CENPU: variants seen among roughly 807,000 people sequenced by gnomAD.
CENPU encodes KSHV latent nuclear antigen interacting protein 1.
CENPU carries 46 observed loss-of-function variants against 56.7 expected under a neutral mutation model. The observed-to-expected ratio is 0.81, with a 90% CI of 0.64 to 1.04. The LOEUF is 1.04. Among genes scored for constraint, CENPU ranks in the 50% least tolerant of loss-of-function variants. The pLI is 0.00. For synonymous variants in CENPU, 166 were observed against 163.0 expected (o/e 1.02, Z -0.14); for missense variants, 510 against 490.1 (o/e 1.04, Z -0.38).
rs1320224867 is a variant in CENPU at position 184,716,497 on chromosome 4, A to G, written c.518T>C (p.Leu173Pro). Reference sequence around the variant, plus strand: ...GACAGACTCAGCTGGTTTCTCTGAAAGTTCTGAAGACGCTGTGGTTCGAAT... The same window carrying G: ...GACAGACTCAGCTGGTTTCTCTGAAGGTTCTGAAGACGCTGTGGTTCGAAT... ...EVIRTTASSE[L>P]SEKPAESVTS... Residue 173 changes from leucine (L) to proline (P), a missense_variant, in exon 6 of 13, where the codon CTT becomes CCT. Coordinates refer to ENST00000281453, the MANE Select transcript of CENPU (RefSeq NM_024629.4). 1 of 1,614,042 alleles carries G rather than the reference A, an allele frequency of 6.2e-7. No individual in the cohort carries two copies. Among genetic ancestry groups the G allele is most frequent in the African/African-American group, 1.3e-5 (1 of 74,924 alleles).
At position 184,716,539 on chromosome 4, in the gene CENPU, G is replaced by T; in HGVS notation, c.476C>A (p.Thr159Lys). The change falls in exon 6 of 13, where the codon ACA (threonine) becomes AAA (lysine). Residue 159 changes from threonine to lysine, a missense_variant. Transcript: ENST00000281453. Reference sequence around the variant, plus strand: ...GGTTCGAATAACCTCATGACGTTGTGTACTTATTTTCTCTGCTGATTTAAC... The same window carrying T: ...GGTTCGAATAACCTCATGACGTTGTTTACTTATTTTCTCTGCTGATTTAAC... ...RKVKSAEKIS[T>K]QRHEVIRTTA... 6.2e-7 allele frequency: 1 copy of T among 1,614,098 alleles called. No individual in the cohort carries two copies.
At chr4:184,709,236 C>T (rs1259543427) in intron 8 of CENPU, among the ~76,000 whole-genome samples, 1 of 152,084 alleles carries the variant, frequency 6.6e-6, no homozygotes, top group Non-Finnish European at 1.5e-5. Context: ...CGTCTATAAT[C>T]CCAGCACTTT....
intron 8 of CENPU, 147 bp downstream of exon 8, chr4:184,709,925 G>A (rs1760865303): frequency 2.5e-6 from 1 of 400,270 alleles, no homozygotes; most frequent in African/African-American, 2.1e-5. Context: ...ATTCTTCAAA[G>A]AATTAAAGAA....
intron 8 of CENPU, among the ~76,000 whole-genome samples, chr4:184,705,153 G>A (rs1431984098): frequency 6.6e-6 from 1 of 152,122 alleles, no homozygotes; most frequent in Admixed American, 6.5e-5. Flanking sequence ...TGTGTTAACA[G>A]CCCCAAACTG....
chr4:184,705,607 C>T (rs1760700860), intron 8 of CENPU, among the ~76,000 whole-genome samples: 1 of 151,944 alleles, frequency 6.6e-6, no homozygotes, highest in Non-Finnish European at 1.5e-5. Flanking sequence ...CTTGTTATTA[C>T]ACATTGAACA....
chr4:184,699,662 GTCTC>G lies in CENPU; in HGVS notation c.986+1154_986+1157del, dbSNP rs557400972. On this transcript the variant is annotated intron_variant, in intron 11 of 12. Coordinates refer to ENST00000281453, the MANE Select transcript of CENPU (RefSeq NM_024629.4). The stretch of plus-strand genomic sequence containing the variant: ...TTCTCCCACTTAAACTCCTGTGGCA[GTCTC>G]TCTTTTTTTTTTGAGACACAGTTTC... 1.3e-5 allele frequency: 16 copies of G among 1,207,944 alleles called. No individual in the cohort carries two copies. In the Admixed American group the frequency reaches 1.7e-4, roughly 13 times the overall value. 74.8% of individuals were successfully genotyped at this position (1,207,944 alleles called of 1,614,324 possible).
chr4:184,724,787 A>G (rs950908811), intron 4 of CENPU, among the ~76,000 whole-genome samples, 170 bp downstream of exon 4: 1 of 152,240 alleles, frequency 6.6e-6, no homozygotes, highest in Non-Finnish European at 1.5e-5. Flanking sequence ...TATTATAATT[A>G]TCGTGTCAAT....
intron 8 of CENPU, among the ~76,000 whole-genome samples, chr4:184,703,964 T>C (rs1760632976): frequency 1.4e-5 from 2 of 146,314 alleles, no homozygotes; most frequent in Admixed American, 1.3e-4. Context: ...GTGGTGATGC[T>C]GGTGTAAACA....
At chr4:184,726,222 G>A (rs951283369) in intron 3 of CENPU, among the ~76,000 whole-genome samples, 4 of 152,024 alleles carry the variant, frequency 2.6e-5, no homozygotes, top group Admixed American at 6.6e-5. Flanking sequence ...AATCCCAAAC[G>A]TCCACAGATA....
Position 184,702,418 on chromosome 4 carries a change from C to A in CENPU, c.821G>T (p.Cys274Phe). 1 of 1,611,308 alleles carries A rather than the reference C, an allele frequency of 6.2e-7. No individual in the cohort carries two copies. The change falls in exon 9 of 13, where the codon TGT (cysteine) becomes TTT (phenylalanine). Residue 274 changes from cysteine (C) to phenylalanine (F), a missense_variant. Coordinates refer to ENST00000281453, the MANE Select transcript of CENPU (RefSeq NM_024629.4). ...ATAAAATGTGGCGATGGCTGCCTTA[C>A]AAACTTTAGATTCTATTCTTTGTCT... ...EHQQRIESKV[C>F]KAAIATFYVN...
chr4:184,726,752 A>T (rs1761464262), intron 3 of CENPU, among the ~76,000 whole-genome samples: 1 of 144,998 alleles, frequency 6.9e-6, no homozygotes, highest in Admixed American at 6.8e-5. Context: ...AGATGAGTAG[A>T]TAAAAATAAA....
chr4:184,731,234 C>G (rs7675106), intron 1 of CENPU, among the ~76,000 whole-genome samples: 120,406 of 152,158 alleles, frequency 0.79, 48,471 homozygotes, highest in East Asian at 1. Context: ...TTTCTCTGCA[C>G]AGCTGAACAA....
chr4:184,701,946 C>T, intron 10 of CENPU, 143 bp downstream of exon 10: 1 of 648,214 alleles, frequency 1.5e-6, no homozygotes, highest in Non-Finnish European at 2.7e-6. Context: ...CCGTATCAAC[C>T]ACAAGATCAA....
chr4:184,716,131 C>T (rs1413438724), intron 6 of CENPU, among the ~76,000 whole-genome samples: 4 of 151,804 alleles, frequency 2.6e-5, no homozygotes, highest in Admixed American at 6.6e-5. Flanking sequence ...AATGGGTTTT[C>T]GCCATATTGC....
At chr4:184,696,759 C>T (rs1249217857) in intron 12 of CENPU, among the ~76,000 whole-genome samples, 3 of 151,658 alleles carry the variant, frequency 2.0e-5, no homozygotes, top group African/African-American at 7.3e-5. Context: ...TTAAACATTT[C>T]TATTAATCTG....
chr4:184,703,137 C>G (rs1364573236), intron 8 of CENPU, among the ~76,000 whole-genome samples: 1 of 152,124 alleles, frequency 6.6e-6, no homozygotes, highest in Non-Finnish European at 1.5e-5. Flanking sequence ...ATTCCCTAAG[C>G]CCTCTGGTAC....
At chr4:184,726,250 G>A (rs1333209443) in intron 3 of CENPU, among the ~76,000 whole-genome samples, 1 of 152,004 alleles carries the variant, frequency 6.6e-6, no homozygotes, top group African/African-American at 2.4e-5. Context: ...ACATAAACTG[G>A]ATTCTTACAA....
chr4:184,733,483 C>CT (rs1761728960), intron 1 of CENPU: 1 of 902,522 alleles, frequency 1.1e-6, no homozygotes, highest in Non-Finnish European at 1.3e-6. Context: ...TTGCAACCGA[C>CT]CAAACGCTCG....
intron 6 of CENPU, chr4:184,713,722 A>G (rs538863068): frequency 6.6e-6 from 1 of 152,392 alleles, no homozygotes; most frequent in African/African-American, 2.4e-5. Flanking sequence ...AGTAGGCAAC[A>G]CAAGACTGAG....
Sources: gnomAD v4.1 joint callset for allele counts (sites outside exome capture counted in the v4.1 genomes callset) on GRCh38, gnomAD v4.1.1 for gene constraint, MANE v1.5 for transcripts, NCBI Gene and HGNC (gene_info 2026-07-23, HGNC 2026-07-21) for gene names.